Variants in COLGALT2 observed in about 807,000 individuals in gnomAD.
The protein encoded by COLGALT2 is collagen beta(1-O)galactosyltransferase 2.
Under a neutral mutation model 73.4 loss-of-function variants are expected in COLGALT2, and 49 were observed. The ratio of observed to expected loss-of-function variants is 0.67; its 90% CI spans 0.53 to 0.85. The LOEUF is 0.85. COLGALT2 is among the 40% of genes least tolerant of loss of function. COLGALT2 has a pLI of 0.00. For synonymous variants in COLGALT2, 295 were observed against 307.6 expected, an observed-to-expected ratio of 0.96 and a Z score of 0.43; for missense variants, 722 against 790.2, an observed-to-expected ratio of 0.91 and a Z score of 1.03.
intron 8 of COLGALT2, 109 bp from the exon 9 acceptor site, chr1:183,945,673 A>G (rs1670230916): frequency 1.6e-6 from 2 of 1,279,028 alleles, no homozygotes; most frequent in East Asian, 4.6e-5. Flanking sequence ...ACACAGACAA[A>G]GACAGAGAGG....
intron 8 of COLGALT2, among the ~76,000 whole-genome samples, chr1:183,946,813 G>C (rs746509609): frequency 3.3e-5 from 5 of 152,128 alleles, no homozygotes; most frequent in Non-Finnish European, 7.4e-5. Context: ...GGGCAGATCA[G>C]AAGGTCTGGA....
At chr1:184,029,160 G>A (rs1649424707) in intron 1 of COLGALT2, among the ~76,000 whole-genome samples, 1 of 152,190 alleles carries the variant, frequency 6.6e-6, no homozygotes, top group Non-Finnish European at 1.5e-5. Flanking sequence ...CTGAACTACA[G>A]AAAGTTCCAG....
chr1:183,952,408 C>T (rs1425092629), intron 7 of COLGALT2, among the ~76,000 whole-genome samples: 2 of 152,142 alleles, frequency 1.3e-5, no homozygotes, highest in African/African-American at 4.8e-5. Flanking sequence ...ACAAACTCAT[C>T]TTTCAAATTC....
chr1:183,956,740 CA>C (rs918346191), intron 6 of COLGALT2, among the ~76,000 whole-genome samples: 4 of 149,444 alleles, frequency 2.7e-5, no homozygotes, highest in East Asian at 2.0e-4. Context: ...ACAAGTGTTG[CA>C]AAAAAAAAGC....
intron 1 of COLGALT2, among the ~76,000 whole-genome samples, chr1:183,983,822 G>GA (rs900337213): frequency 6.6e-6 from 1 of 152,170 alleles, no homozygotes; most frequent in African/African-American, 2.4e-5. Context: ...AACCAGACCA[G>GA]AAAAGGCACC....
At chr1:184,032,429 G>A (rs528256546) in intron 1 of COLGALT2, among the ~76,000 whole-genome samples, 119 of 152,296 alleles carry the variant, frequency 7.8e-4, no homozygotes, top group Admixed American at 1.4e-3. Context: ...TGAGACAGGT[G>A]TTACTATTAG....
At chr1:183,982,277 G>A (rs1671374184) in intron 1 of COLGALT2, among the ~76,000 whole-genome samples, 1 of 152,154 alleles carries the variant, frequency 6.6e-6, no homozygotes, top group Non-Finnish European at 1.5e-5. Flanking sequence ...TCACAGAGGT[G>A]GGAAAGTGGT....
rs141658487 is a variant in COLGALT2, at chr1:183,963,671, T to C, written c.952+230A>G. Among the ~76,000 whole-genome samples, 233 of 152,298 alleles carry C rather than the reference T, an allele frequency of 1.5e-3. 1 individual carries two copies. Among genetic ancestry groups the C allele is most frequent in the African/African-American group, 5.3e-3 (220 of 41,564 alleles). On this transcript the variant is annotated intron_variant, in intron 6 of 11. Coordinates refer to ENST00000361927, the MANE Select transcript of COLGALT2 (RefSeq NM_015101.4). ...AGATCTTTTGGAAAGTATTTACTTG[T>C]GTACCCAGCGCTCTTCCAGGATGGG...
At chr1:183,980,618 C>T in intron 1 of COLGALT2, among the ~76,000 whole-genome samples, 1 of 151,994 alleles carries the variant, frequency 6.6e-6, no homozygotes, top group East Asian at 1.9e-4. Flanking sequence ...GGGAATTCTA[C>T]CAAATCCTAC....
At chr1:183,946,816 G>T (rs1354481985) in intron 8 of COLGALT2, among the ~76,000 whole-genome samples, 1 of 152,184 alleles carries the variant, frequency 6.6e-6, no homozygotes, top group Non-Finnish European at 1.5e-5. Flanking sequence ...CAGATCAGAA[G>T]GTCTGGAGAT....
intron 8 of COLGALT2, among the ~76,000 whole-genome samples, chr1:183,946,887 C>T (rs1468832658): frequency 3.3e-5 from 5 of 152,014 alleles, no homozygotes; most frequent in Admixed American, 6.6e-5. Flanking sequence ...AAAAATTAGC[C>T]GGCCATGGTG....
At position 183,944,269 on chromosome 1, in the gene COLGALT2, C is replaced by CA. The variant is rs1670189897; in HGVS notation, c.1323dup (p.Glu442Ter). 2 of 1,613,892 alleles carry CA rather than the reference C, an allele frequency of 1.2e-6. No individual in the cohort carries two copies. Among genetic ancestry groups the CA allele is most frequent in the Non-Finnish European group, 1.7e-6 (2 of 1,179,988 alleles). ...ATCAGCTTCTTCTTAAACTGATGCTCAAAACGCACATCGTCTTCAATTACA... is the reference window on the plus strand; with the variant it reads ...ATCAGCTTCTTCTTAAACTGATGCTCAAAAACGCACATCGTCTTCAATTACA... On this transcript the variant is annotated frameshift_variant, in exon 10 of 12. Transcript: ENST00000361927. LOFTEE classifies it high-confidence loss of function.
chr1:183,966,956 G>A (rs1361667187), intron 5 of COLGALT2, among the ~76,000 whole-genome samples: 2 of 152,102 alleles, frequency 1.3e-5, no homozygotes, highest in East Asian at 3.9e-4. Context: ...GTCCTGCCTG[G>A]GACATAGATG....
At chr1:183,940,836 A>G (rs1215492130) in intron 10 of COLGALT2, 49 bp from the exon 11 acceptor site, 2 of 1,469,136 alleles carry the variant, frequency 1.4e-6, no homozygotes, top group Admixed American at 3.3e-5. Flanking sequence ...CTATTATGCC[A>G]TGATAAGGAT....
Position 183,937,643 on chromosome 1 carries a change from G to A in COLGALT2, c.*1118C>T. ...ACAAGAGCCTGGCTGGGAAATTCAG[G>A]AGAATCAGATTGCCGAACCAATGTG... On this transcript the variant is annotated 3_prime_UTR_variant, in exon 12 of 12. Transcript: ENST00000361927. 1 of 985,412 alleles carries A rather than the reference G, an allele frequency of 1.0e-6. No individual in the cohort carries two copies. Among genetic ancestry groups the A allele is most frequent in the Non-Finnish European group, 1.2e-6 (1 of 829,944 alleles). 61.0% of individuals were successfully genotyped at this position (985,412 alleles called of 1,614,324 possible). A position where few individuals can be genotyped will look rare whatever the true frequency, so the allele number is the denominator to read the frequency against.
At chr1:184,007,711 G>A (rs931954701) in intron 1 of COLGALT2, among the ~76,000 whole-genome samples, 1 of 151,948 alleles carries the variant, frequency 6.6e-6, no homozygotes, top group Non-Finnish European at 1.5e-5. Flanking sequence ...CATTTGGTGT[G>A]GAGCTCTGTG....
At chr1:183,931,808 A>C (rs1669851575), downstream of COLGALT2, among the ~76,000 whole-genome samples, 1 of 151,808 alleles carries the variant, frequency 6.6e-6, no homozygotes, top group African/African-American at 2.4e-5. Flanking sequence ...AAAAAAAAAA[A>C]AAAGAAGAAG....
intron 5 of COLGALT2, among the ~76,000 whole-genome samples, chr1:183,965,810 T>C (rs1036533219): frequency 6.6e-6 from 1 of 151,948 alleles, no homozygotes; most frequent in Non-Finnish European, 1.5e-5. Flanking sequence ...GGAAAACTAA[T>C]CATAGCCTAT....
At chr1:183,951,166 T>C in intron 7 of COLGALT2, 53 bp from the exon 8 acceptor site, 1 of 1,322,006 alleles carries the variant, frequency 7.6e-7, no homozygotes. Flanking sequence ...AGTCTTCTTT[T>C]AGGCTGTTTG....
Sources: allele counts gnomAD v4.1 joint callset (sites outside exome capture counted in the v4.1 genomes callset), GRCh38; gene constraint gnomAD v4.1.1; transcripts MANE v1.5; gene names NCBI Gene and HGNC (gene_info 2026-07-23, HGNC 2026-07-21).